SPTBN2: variants seen among roughly 807,000 people sequenced by gnomAD.
The protein encoded by SPTBN2 is spectrin beta chain, non-erythrocytic 2.
A neutral mutation model predicts 284.2 loss-of-function variants in SPTBN2; 107 were observed. The ratio of observed to expected loss-of-function variants is 0.38; its 90% confidence interval spans 0.32 to 0.44. The LOEUF is 0.44. Ranked by LOEUF, SPTBN2 falls within the 20% of genes least tolerant of loss-of-function variation. The pLI is 1.00. For missense variants in SPTBN2, 2,569 were observed against 3,287.1 expected, an observed-to-expected ratio of 0.78 and a Z score of 5.34; for synonymous variants, 1,289 against 1,354.8, an observed-to-expected ratio of 0.95 and a Z score of 1.07.
chr11:66,724,515 G>T (rs1942544014), intron 1 of SPTBN2, among the ~76,000 whole-genome samples: 1 of 151,974 alleles, frequency 6.6e-6, no homozygotes, highest in Non-Finnish European at 1.5e-5. Flanking sequence ...CCCAACTGTT[G>T]AGGTTTGCAA....
Position 66,710,462 on chromosome 11 carries a change from G to A in SPTBN2, c.1073+120C>T, listed in dbSNP as rs1487489869. On this transcript the variant is annotated intron_variant, in intron 10 of 37. Coordinates refer to ENST00000533211, the MANE Select transcript of SPTBN2 (RefSeq NM_006946.4). This position sits in a 1 kb window ranked among gnomAD's most constrained non-coding sequence, Gnocchi z 4.9. ...ACTATGTTGTTTGGATGCTTCTGGTGTGGGAAATCTCCACTGCATTTATGT... is the reference window on the plus strand; with the variant it reads ...ACTATGTTGTTTGGATGCTTCTGGTATGGGAAATCTCCACTGCATTTATGT... 8.1e-6 allele frequency: 8 copies of A among 985,804 alleles called. No homozygotes were observed. Among genetic ancestry groups the A allele is most frequent in the African/African-American group, 8.1e-5 (5 of 61,984 alleles). The allele number at this position is 985,804 out of a possible 1,614,324, so 61.1% of individuals were successfully genotyped here.
Position 66,692,711 on chromosome 11 carries a change from A to G in SPTBN2, c.5015T>C (p.Val1672Ala), listed in dbSNP as rs1940641614. The part of the protein sequence containing the change: ...STRISIRQAQ[V>A]DKLYAGLKEL... ...CTTCAGGCCGGCATACAGCTTGTCC[A>G]CCTGGGCTTGGCGGATGGATATCCG... The change falls in exon 26 of 38, where the codon GTG (valine) becomes GCG (alanine). Residue 1672 changes from valine to alanine, a missense_variant. By Grantham distance (64) the Val-to-Ala change is moderately conservative. Around this residue, in one of 6 missense-constraint regions of SPTBN2, gnomAD observed 1,130 missense variants for 1,317.3 expected, o/e 0.86. Coordinates refer to ENST00000533211, the MANE Select transcript of SPTBN2 (RefSeq NM_006946.4). The G allele has an allele frequency of 1.2e-6, 2 of 1,603,298 alleles. No homozygotes were observed. The highest frequency in any genetic ancestry group is 8.5e-7 in the Non-Finnish European group (1 of 1,179,914).
chr11:66,691,870 G>T lies in SPTBN2; in HGVS notation c.5191-212C>A, dbSNP rs1026078398. Among the ~76,000 whole-genome samples the T allele has an allele frequency of 2.0e-5, 3 of 152,146 alleles. No individual in the cohort carries two copies. The highest frequency in any genetic ancestry group is 7.2e-5 in the African/African-American group (3 of 41,424). On this transcript the variant is annotated intron_variant, in intron 26 of 37. Transcript: ENST00000533211. This position sits in a 1 kb window ranked among gnomAD's most constrained non-coding sequence, Gnocchi z 8.0. ...GACTCCCTCCACCCCCAGCAAAGGC[G>T]TTTCAAGGTGCTTGGGACCCTTAGG... is the stretch of plus-strand genomic sequence containing the variant.
At chr11:66,731,165 A>G (rs1204354121), upstream of SPTBN2, among the ~76,000 whole-genome samples, 1 of 152,234 alleles carries the variant, frequency 6.6e-6, no homozygotes, top group African/African-American at 2.4e-5. Context: ...CTTAATCAGT[A>G]TCAGCCGTTA....
At chr11:66,733,502 T>TGACAGGAAA (rs1942829416), upstream of SPTBN2, among the ~76,000 whole-genome samples, 1 of 152,184 alleles carries the variant, frequency 6.6e-6, no homozygotes, top group Admixed American at 6.5e-5. Flanking sequence ...TGAGGAATAC[T>TGACAGGAAA]CCAGGAAAAC....
intron 1 of SPTBN2, among the ~76,000 whole-genome samples, chr11:66,721,650 C>A (rs1407946399): frequency 6.6e-6 from 1 of 152,096 alleles, no homozygotes; most frequent in Non-Finnish European, 1.5e-5. Flanking sequence ...GCCCCACAGG[C>A]AATAATGACT....
At position 66,707,901 on chromosome 11, in the gene SPTBN2, C is replaced by G; in HGVS notation, c.1351-83G>C. On this transcript the variant is annotated intron_variant, in intron 12 of 37. Coordinates refer to ENST00000533211, the MANE Select transcript of SPTBN2 (RefSeq NM_006946.4). This position sits in a 1 kb window ranked among gnomAD's most constrained non-coding sequence, Gnocchi z 4.9. ...TCCTCTGTCCTGCAGGGCACTTGGC[C>G]TGCAAGATCCCAGCTCCATGCGGTG... The G allele has an allele frequency of 1.9e-6, 3 of 1,543,716 alleles. No homozygotes were observed. The highest frequency in any genetic ancestry group is 2.6e-6 in the Non-Finnish European group (3 of 1,140,548).
At chr11:66,712,314 C>T (rs1283444877) in intron 8 of SPTBN2, among the ~76,000 whole-genome samples, 2 of 152,128 alleles carry the variant, frequency 1.3e-5, no homozygotes, top group African/African-American at 2.4e-5. Context: ...ATTGGGAGGC[C>T]GAGGTGGGCG....
At chr11:66,709,088 C>T (rs1166180216) in intron 10 of SPTBN2, 69 bp from the exon 11 acceptor site, 1 of 1,263,426 alleles carries the variant, frequency 7.9e-7, no homozygotes, top group Non-Finnish European at 1.2e-6. Context: ...TTTACTCTTC[C>T]AAATGGGTGT....
In SPTBN2 at chr11:66,705,313, C is replaced by T. The variant is rs1275935478; in HGVS notation, c.1963G>A (p.Ala655Thr). The T allele has an allele frequency of 5.0e-6, 8 of 1,607,982 alleles. No individual in the cohort carries two copies. Among genetic ancestry groups the T allele is most frequent in the Non-Finnish European group, 6.8e-6 (8 of 1,179,390 alleles). ...RFLWEVGEAE[A>T]WVREQQHLLA... ...AGGTGCTGCTGCTCCCGCACCCAGG[C>T]CTCAGCTTCACCCACCTCCCAGAGG... Residue 655 changes from alanine to threonine, a missense_variant, in exon 15 of 38, where the codon GCC (alanine) becomes ACC (threonine). Transcript: ENST00000533211.
At chr11:66,736,910 G>C (rs1942854451) in intron 1 of SPTBN2, among the ~76,000 whole-genome samples, 1 of 152,232 alleles carries the variant, frequency 6.6e-6, no homozygotes. Flanking sequence ...CTTCCAGGGT[G>C]TGAAGATATC....
chr11:66,700,699 C>T lies in SPTBN2; in HGVS notation c.3400G>A (p.Asp1134Asn). 6.2e-7 allele frequency: 1 copy of T among 1,605,578 alleles called. No homozygotes were observed. Among genetic ancestry groups the T allele is most frequent in the Non-Finnish European group, 8.5e-7 (1 of 1,179,888 alleles). ...LRALGEEVTR[D>N]QADPQCLFLR... ...AAGAGGCACTGGGGGTCAGCCTGGTCCCGGGTCACCTCCTCGCCCAGGGCT... is the reference window on the plus strand; with the variant it reads ...AAGAGGCACTGGGGGTCAGCCTGGTTCCGGGTCACCTCCTCGCCCAGGGCT... Residue 1134 changes from aspartate (D) to asparagine (N), a missense_variant, in exon 17 of 38, where the codon GAC (aspartate) becomes AAC (asparagine). Transcript: ENST00000533211. The surrounding 1 kb of genome is among the most constrained non-coding windows in gnomAD (Gnocchi z 6.6).
In SPTBN2 at chr11:66,687,700, T is replaced by C. The variant is rs1940228234; in HGVS notation, c.6502-53A>G. Reference sequence around the variant, plus strand: ...AGGTTGAGACGGGAGATCCCTAACCTGGGTGCCAGGAAGCTCCGTGTCCAG... The same window carrying C: ...AGGTTGAGACGGGAGATCCCTAACCCGGGTGCCAGGAAGCTCCGTGTCCAG... On this transcript the variant is annotated intron_variant, in intron 34 of 37. Transcript: ENST00000533211. This position sits in a 1 kb window ranked among gnomAD's most constrained non-coding sequence, Gnocchi z 5.2. The C allele has an allele frequency of 6.3e-7, 1 of 1,575,776 alleles. No homozygotes were observed. Among genetic ancestry groups the C allele is most frequent in the African/African-American group, 1.3e-5 (1 of 74,228 alleles).
chr11:66,687,386 G>A lies in SPTBN2; in HGVS notation c.6722+41C>T. 1.3e-6 allele frequency: 2 copies of A among 1,595,918 alleles called. No individual in the cohort carries two copies. The highest frequency in any genetic ancestry group is 2.2e-5 in the South Asian group (2 of 90,960). ...CTCCCTCTATCTGGGCAGAGGCTCT[G>A]GGGAAGTGCCCTCTGAGAGCAGGCT... On this transcript the variant is annotated intron_variant, in intron 35 of 37. Transcript: ENST00000533211. This position sits in a 1 kb window ranked among gnomAD's most constrained non-coding sequence, Gnocchi z 5.2.
intron 1 of SPTBN2, among the ~76,000 whole-genome samples, chr11:66,735,378 G>A (rs1942844766): frequency 6.6e-6 from 1 of 151,896 alleles, no homozygotes; most frequent in Non-Finnish European, 1.5e-5. Context: ...GGGCTGGGAG[G>A]AGAATCCTAA....
intron 1 of SPTBN2, among the ~76,000 whole-genome samples, chr11:66,739,827 T>C (rs1455575923): frequency 6.6e-6 from 1 of 152,182 alleles, no homozygotes; most frequent in Non-Finnish European, 1.5e-5. Context: ...AGGTCAGGTG[T>C]TCGAGACCAG....
In SPTBN2 at chr11:66,700,512, C is replaced by T. The variant is rs1406279289; in HGVS notation, c.3573+14G>A. The stretch of plus-strand genomic sequence containing the variant: ...GCTCTTCCTCCTGCTTGGGACTTTG[C>T]CCTGGACTTTCACCTGGCTGCTGAG... On this transcript the variant is annotated intron_variant, in intron 17 of 37. Coordinates refer to ENST00000533211, the MANE Select transcript of SPTBN2 (RefSeq NM_006946.4). The surrounding 1 kb of genome is among the most constrained non-coding windows in gnomAD (Gnocchi z 6.6). 10 of 1,601,886 alleles carry T rather than the reference C, an allele frequency of 6.2e-6. No individual in the cohort carries two copies. The highest frequency in any genetic ancestry group is 8.5e-6 in the Non-Finnish European group (10 of 1,179,936).
Position 66,724,423 on chromosome 11 carries a change from GA to G in SPTBN2, c.-113-2984del, listed in dbSNP as rs1012374960. Among the ~76,000 whole-genome samples, 216 of 144,088 alleles carry G rather than the reference GA, an allele frequency of 1.5e-3. 1 individual carries two copies. The highest frequency in any genetic ancestry group is 5.0e-3 in the African/African-American group (198 of 39,352). The allele number at this position is 144,088 out of a possible 152,430, so 94.5% of individuals were successfully genotyped here. ...GGATGACAGAGTGAAATTTGTCTCA[GA>G]AAAAAAAAAAGACTGATTTGGATTC... is the stretch of plus-strand genomic sequence containing the variant. On this transcript the variant is annotated intron_variant, in intron 1 of 37. Transcript: ENST00000533211.
At chr11:66,711,092 C>G (rs879617758) in intron 8 of SPTBN2, 63 bp from the exon 9 acceptor site, 18 of 1,392,588 alleles carry the variant, frequency 1.3e-5, no homozygotes, top group Non-Finnish European at 1.8e-5. Flanking sequence ...GCATCACTTA[C>G]CCCAAACCCT....
Sources: gnomAD v4.1 joint callset for allele counts (sites outside exome capture counted in the v4.1 genomes callset) on GRCh38, gnomAD v4.1.1 for gene constraint, gnomAD v4.1.1 regional missense constraint, Gnocchi (gnomAD v3.1) non-coding constraint, MANE v1.5 for transcripts, NCBI Gene and HGNC (gene_info 2026-07-23, HGNC 2026-07-21) for gene names.